The following DMD variants were observed in gnomAD, a reference collection of about 807,000 sequenced individuals.
The protein encoded by DMD is dystrophin.
In DMD, 63 loss-of-function variants were observed where a neutral mutation model predicts 330.1. That is an observed-to-expected ratio of 0.19 (90% CI 0.16 to 0.24). DMD has a LOEUF of 0.24. DMD is among the 10% of genes least tolerant of loss of function. DMD has a pLI of 1.00. For missense variants in DMD, 3,344 were observed against 2,684.1 expected (o/e 1.25, Z -5.43); for synonymous variants, 1,223 against 959.8 (o/e 1.27, Z -5.07).
At chrX:31,451,488 G>T (rs1289968984) in intron 59 of DMD, among the ~76,000 whole-genome samples, 1 of 109,333 alleles carries the variant, frequency 9.1e-6, no homozygotes, top group African/African-American at 3.3e-5. Context: ...CACCATGTTG[G>T]CCAGGCTGGT....
chrX:31,748,619 T>C (rs770856770), intron 51 of DMD, among the ~76,000 whole-genome samples: 1 of 112,114 alleles, frequency 8.9e-6, no homozygotes, highest in Non-Finnish European at 1.9e-5. Context: ...GAGTAATAAC[T>C]AGTTATTGTG....
rs190211798 is a variant in DMD at position 31,191,505 on chromosome X, T to C, written c.9808-8601A>G. 2.1e-3 allele frequency among the ~76,000 whole-genome samples: 232 copies of C among 110,619 alleles called. 1 individual carries two copies. Among genetic ancestry groups the C allele is most frequent in the African/African-American group, 7.0e-3 (215 of 30,510 alleles). ...AGCCTGGTGGGAGGTGATTGACTTA[T>C]GGGGGTTGGTCTTTCCTGCGCCGTT... On this transcript the variant is annotated intron_variant, in intron 67 of 78. Transcript: ENST00000357033.
chrX:31,988,998 T>A (rs1305492691), intron 44 of DMD, among the ~76,000 whole-genome samples: 3 of 111,942 alleles, frequency 2.7e-5, no homozygotes, highest in Non-Finnish European at 5.6e-5. Context: ...GGCTTAAGAC[T>A]CAAGAAGACC....
chrX:32,768,413 CTT>C (rs2073241550), intron 7 of DMD, among the ~76,000 whole-genome samples: 1 of 111,792 alleles, frequency 8.9e-6, no homozygotes, highest in Non-Finnish European at 1.9e-5. Context: ...TTTCATAAAG[CTT>C]TGTGCCAATT....
chrX:32,481,895 A>G (rs775055920), intron 21 of DMD, among the ~76,000 whole-genome samples: 11 of 112,052 alleles, frequency 9.8e-5, no homozygotes, highest in Non-Finnish European at 2.1e-4. Context: ...GTTCAAAAAT[A>G]TTTCTTGAAT....
chrX:31,382,266 A>C (rs1286501190), intron 60 of DMD, among the ~76,000 whole-genome samples: 1 of 111,697 alleles, frequency 9.0e-6, no homozygotes, highest in Non-Finnish European at 1.9e-5. Context: ...GGTACAGCCC[A>C]TTTAAGCTCC....
At chrX:33,287,696 T>A (rs1000963866) in intron 1 of DMD, among the ~76,000 whole-genome samples, 1 of 110,081 alleles carries the variant, frequency 9.1e-6, no homozygotes, top group Non-Finnish European at 1.9e-5. Flanking sequence ...AAGACAGGAG[T>A]AGAATGTAGA....
At chrX:33,095,964 A>ATTTTTTTT (rs35906927) in intron 1 of DMD, among the ~76,000 whole-genome samples, 1 of 51,548 alleles carries the variant, frequency 1.9e-5, no homozygotes, top group Non-Finnish European at 3.3e-5. Context: ...TTCTTCCAGA[A>ATTTTTTTT]TTTTTTTTTT....
intron 44 of DMD, among the ~76,000 whole-genome samples, chrX:32,049,787 T>C (rs1465850505): frequency 8.9e-6 from 1 of 111,761 alleles, no homozygotes; most frequent in African/African-American, 3.2e-5. Flanking sequence ...ACCTAACAAT[T>C]AGTTGGATGA....
intron 27 of DMD, among the ~76,000 whole-genome samples, chrX:32,447,292 A>C (rs1414899351): frequency 9.1e-6 from 1 of 110,239 alleles, no homozygotes; most frequent in Non-Finnish European, 1.9e-5. Context: ...CTCACATAAC[A>C]CTGATACATA....
In DMD at chrX:32,823,384, C is replaced by T. The variant is rs2078437556; in HGVS notation, c.268G>A (p.Asp90Asn). Residue 90 changes from aspartate (D) to asparagine (N), a missense_variant, in exon 5 of 79, where the codon GAT becomes AAT. Coordinates refer to ENST00000357033, the MANE Select transcript of DMD (RefSeq NM_004006.3). ...ALRVLQNNNVDLVNIGSTDIV... is the reference protein window; with the variant it reads ...ALRVLQNNNVNLVNIGSTDIV... Reference sequence around the variant, plus strand: ...TCAGTACTTCCAATATTCACTAAATCAACCTGTTAAAGAAAGGGGTAAAAC... The same window carrying T: ...TCAGTACTTCCAATATTCACTAAATTAACCTGTTAAAGAAAGGGGTAAAAC... 8.4e-7 allele frequency: 1 copy of T among 1,189,730 alleles called. No individual in the cohort carries two copies. Among genetic ancestry groups the T allele is most frequent in the Non-Finnish European group, 1.1e-6 (1 of 876,099 alleles).
chrX:31,356,782 G>T (rs1173384114), intron 60 of DMD, among the ~76,000 whole-genome samples: 1 of 111,582 alleles, frequency 9.0e-6, no homozygotes, highest in Non-Finnish European at 1.9e-5. Flanking sequence ...TACCTTAAGG[G>T]TATCATTCAT....
At chrX:31,438,208 T>C (rs1162559851) in intron 60 of DMD, among the ~76,000 whole-genome samples, 1 of 111,603 alleles carries the variant, frequency 9.0e-6, no homozygotes, top group Non-Finnish European at 1.9e-5. Context: ...TGGGATGGCA[T>C]TATACTTAAT....
At chrX:32,140,916 T>G in intron 44 of DMD, among the ~76,000 whole-genome samples, 1 of 111,271 alleles carries the variant, frequency 9.0e-6, no homozygotes, top group East Asian at 2.8e-4. Flanking sequence ...CCATATCAGT[T>G]ATTGAAGGAA....
At chrX:31,694,073 A>G (rs2083289409) in intron 52 of DMD, among the ~76,000 whole-genome samples, 2 of 111,597 alleles carry the variant, frequency 1.8e-5, no homozygotes, top group South Asian at 7.4e-4. Context: ...GACCAATGGA[A>G]TAAGACAAAG....
chrX:31,875,743 C>T (rs771991184), intron 47 of DMD, among the ~76,000 whole-genome samples: 7 of 112,157 alleles, frequency 6.2e-5, no homozygotes, highest in African/African-American at 1.6e-4. Context: ...ATATGCCATA[C>T]GCGCTTCCTT....
chrX:31,833,289 AGAGGGAGAGAGG>A (rs1347415880), intron 49 of DMD, among the ~76,000 whole-genome samples: 155 of 11,077 alleles, frequency 0.014, 4 homozygotes, highest in African/African-American at 0.084. Flanking sequence ...AGAGAGAGAG[AGAGGGAGAGAGG>A]GAGAGAGGGA....
intron 7 of DMD, among the ~76,000 whole-genome samples, chrX:32,732,346 T>C (rs1295205403): frequency 9.0e-6 from 1 of 110,957 alleles, no homozygotes; most frequent in Non-Finnish European, 1.9e-5. Context: ...CTGCAGGATA[T>C]TATCCAGGAG....
intron 15 of DMD, among the ~76,000 whole-genome samples, chrX:32,572,709 T>C (rs999103778): frequency 9.0e-6 from 1 of 110,910 alleles, no homozygotes; most frequent in African/African-American, 3.3e-5. Context: ...TTTTTTTTGC[T>C]TGAAAAACTA....
Sources: allele counts gnomAD v4.1 joint callset (sites outside exome capture counted in the v4.1 genomes callset), GRCh38; gene constraint gnomAD v4.1.1; transcripts MANE v1.5; gene names NCBI Gene and HGNC (gene_info 2026-07-23, HGNC 2026-07-21).